Variants in PIK3C2G observed in about 807,000 individuals in gnomAD.
The protein encoded by PIK3C2G is phosphatidylinositol 3-kinase C2 domain-containing subunit gamma.
In PIK3C2G, 168 loss-of-function variants were observed where a neutral mutation model predicts 181.1. The ratio of observed to expected loss-of-function variants is 0.93; its 90% CI spans 0.82 to 1.05. PIK3C2G has a LOEUF of 1.05. Ranked by LOEUF, PIK3C2G falls within the 50% of genes least tolerant of loss-of-function variation. PIK3C2G has a pLI of 0.00. For synonymous variants in PIK3C2G, 573 were observed against 592.2 expected, an observed-to-expected ratio of 0.97 and a Z score of 0.47; for missense variants, 1,869 against 1,732.8, an observed-to-expected ratio of 1.08 and a Z score of -1.40.
chr12:18,526,551 C>T (rs375262816), intron 24 of PIK3C2G, among the ~76,000 whole-genome samples: 32 of 152,198 alleles, frequency 2.1e-4, no homozygotes, highest in Non-Finnish European at 3.7e-4. Context: ...TGAGAGGGTA[C>T]GATTTTTCTA....
Position 18,374,532 on chromosome 12 carries a change from TTAGAA to T in PIK3C2G, c.1880+3227_1880+3231del, listed in dbSNP as rs765573913. Among the ~76,000 whole-genome samples the T allele has an allele frequency of 2.1e-3, 319 of 152,300 alleles. 1 individual carries two copies. Among genetic ancestry groups the T allele is most frequent in the Non-Finnish European group, 4.0e-3 (275 of 68,024 alleles). ...AACCGGCAGTTGGTTACCAGGCTAC[TTAGAA>T]TAGAACAAGAACTAGAATGCAGGTC... On this transcript the variant is annotated intron_variant, in intron 13 of 32. Transcript: ENST00000538779.
intron 31 of PIK3C2G, among the ~76,000 whole-genome samples, chr12:18,620,537 G>A (rs1948810339): frequency 7.3e-6 from 1 of 137,242 alleles, no homozygotes; most frequent in Non-Finnish European, 1.5e-5. Context: ...CAGATAGATA[G>A]ATAGATAGAT....
chr12:18,640,431 T>A lies in PIK3C2G; in HGVS notation c.4185T>A (p.His1395Gln). Residue 1395 changes from histidine (H) to glutamine (Q), a missense_variant and splice_region_variant, in exon 32 of 33, where the codon CAT becomes CAA. Transcript: ENST00000538779. ...TILVKHMKNI[H>Q]LPDGSAPSAH... Reference sequence around the variant, plus strand: ...TTTATAACCATTTTCCTTTGCAGCATCTCCCAGATGGCTCTGCGCCCAGTG... The same window carrying A: ...TTTATAACCATTTTCCTTTGCAGCAACTCCCAGATGGCTCTGCGCCCAGTG... 6.2e-7 allele frequency: 1 copy of A among 1,608,900 alleles called. No individual in the cohort carries two copies. Among genetic ancestry groups the A allele is most frequent in the South Asian group, 1.1e-5 (1 of 90,016 alleles).
intron 7 of PIK3C2G, among the ~76,000 whole-genome samples, chr12:18,322,692 T>A (rs1353801117): frequency 6.6e-6 from 1 of 152,188 alleles, no homozygotes; most frequent in East Asian, 1.9e-4. Flanking sequence ...TTTTCTTTCA[T>A]TAACTATTGT....
At chr12:18,333,993 A>C (rs924543128) in intron 8 of PIK3C2G, among the ~76,000 whole-genome samples, 18 of 152,124 alleles carry the variant, frequency 1.2e-4, no homozygotes, top group African/African-American at 4.1e-4. Context: ...TGTTCAAAAC[A>C]TTTTTCAAGT....
chr12:18,445,183 T>C (rs1211898089), intron 18 of PIK3C2G, among the ~76,000 whole-genome samples: 1 of 152,108 alleles, frequency 6.6e-6, no homozygotes, highest in African/African-American at 2.4e-5. Flanking sequence ...GACTTTTTTA[T>C]ATTAGGAAAA....
intron 18 of PIK3C2G, among the ~76,000 whole-genome samples, chr12:18,428,702 G>A (rs539047946): frequency 6.6e-5 from 10 of 152,274 alleles, no homozygotes; most frequent in African/African-American, 9.6e-5. Flanking sequence ...TTAGGCTCAC[G>A]TGAGTCTCTT....
the PIK3C2G span, among the ~76,000 whole-genome samples, chr12:18,706,012 G>T: frequency 6.6e-6 from 1 of 150,720 alleles, no homozygotes; most frequent in Non-Finnish European, 1.5e-5. Flanking sequence ...GGATCACCTG[G>T]GGTCAGGAGT....
intron 18 of PIK3C2G, among the ~76,000 whole-genome samples, chr12:18,459,680 A>T (rs886440787): frequency 6.6e-6 from 1 of 152,232 alleles, no homozygotes; most frequent in African/African-American, 2.4e-5. Context: ...TTGAATGGAC[A>T]CTTTAATGAA....
At chr12:18,461,013 A>T (rs1451749313) in intron 18 of PIK3C2G, among the ~76,000 whole-genome samples, 3 of 152,172 alleles carry the variant, frequency 2.0e-5, no homozygotes, top group African/African-American at 7.2e-5. Flanking sequence ...TAGTTGTGAT[A>T]TAGAAGTGTT....
chr12:18,385,352 C>T (rs1013966428), intron 14 of PIK3C2G, among the ~76,000 whole-genome samples: 4 of 151,942 alleles, frequency 2.6e-5, no homozygotes, highest in Admixed American at 6.6e-5. Context: ...ATTGATGTGC[C>T]GACCGGAAGC....
intron 18 of PIK3C2G, among the ~76,000 whole-genome samples, chr12:18,452,757 T>C (rs4628733): frequency 0.15 from 23,224 of 152,184 alleles, 2,033 homozygotes; most frequent in African/African-American, 0.24. Context: ...GAGATTCTGG[T>C]ACATTGTGCC....
At chr12:18,451,184 G>A (rs10754286) in intron 18 of PIK3C2G, among the ~76,000 whole-genome samples, 16 of 152,238 alleles carry the variant, frequency 1.1e-4, no homozygotes, top group African/African-American at 2.9e-4. Flanking sequence ...CCATTTTCAC[G>A]ATATTGATTT....
At chr12:18,569,678 C>A (rs960649481) in intron 29 of PIK3C2G, among the ~76,000 whole-genome samples, 1 of 152,078 alleles carries the variant, frequency 6.6e-6, no homozygotes, top group African/African-American at 2.4e-5. Context: ...TTATTTCAAC[C>A]TTATAATGAC....
At chr12:18,500,626 G>C (rs1000572827) in intron 22 of PIK3C2G, among the ~76,000 whole-genome samples, 34 of 152,178 alleles carry the variant, frequency 2.2e-4, no homozygotes, top group African/African-American at 8.2e-4. Context: ...GTAGGGACGT[G>C]AACCTTTACC....
chr12:18,278,385 CTG>C (rs1949073427), intron 1 of PIK3C2G, among the ~76,000 whole-genome samples: 1 of 152,164 alleles, frequency 6.6e-6, no homozygotes, highest in Non-Finnish European at 1.5e-5. Flanking sequence ...CTGATCTCTT[CTG>C]CCTCCTTCTC....
intron 3 of PIK3C2G, among the ~76,000 whole-genome samples, chr12:18,290,130 C>A (rs758741052): frequency 1.3e-5 from 2 of 151,998 alleles, no homozygotes; most frequent in Non-Finnish European, 2.9e-5. Context: ...CCTCAGTAAA[C>A]CTTTGAGGTA....
At position 18,364,217 on chromosome 12, in the gene PIK3C2G, TG is replaced by T. The variant is rs1941476865; in HGVS notation, c.1748+1332del. On this transcript the variant is annotated intron_variant, in intron 12 of 32. Transcript: ENST00000538779. ...CCTTGACTGTCCACCAGTCATTCTT[TG>T]CATCTGATCTATTTACCCTAACTAT... 2.0e-5 allele frequency among the ~76,000 whole-genome samples: 3 copies of T among 152,340 alleles called. No individual in the cohort carries two copies. The East Asian group carries it at 5.8e-4, about 29-fold the overall frequency.
At chr12:18,604,425 A>C (rs150114251) in intron 30 of PIK3C2G, among the ~76,000 whole-genome samples, 2,965 of 152,294 alleles carry the variant, frequency 0.019, 201 homozygotes, top group Admixed American at 0.13. Context: ...AAAATGAGAT[A>C]GACAGCAACA....
Sources: gnomAD v4.1 joint callset for allele counts (sites outside exome capture counted in the v4.1 genomes callset) on GRCh38, gnomAD v4.1.1 for gene constraint, MANE v1.5 for transcripts, NCBI Gene and HGNC (gene_info 2026-07-23, HGNC 2026-07-21) for gene names.